The following MYO15A variants were observed in gnomAD, a reference collection of about 807,000 sequenced individuals.
MYO15A encodes unconventional myosin-XV.
Under a neutral mutation model 394.6 loss-of-function variants are expected in MYO15A, and 308 were observed. The ratio of observed to expected loss-of-function variants is 0.78; its 90% CI spans 0.71 to 0.86. The LOEUF (loss-of-function observed/expected upper bound fraction) is 0.86, where lower values mean the gene tolerates loss of function less well. Among genes scored for constraint, MYO15A ranks in the 40% least tolerant of loss-of-function variants. The pLI, the probability that MYO15A is intolerant of heterozygous loss-of-function variation, is 0.00. For missense variants in MYO15A, 4,606 were observed against 4,799.1 expected, an observed-to-expected ratio of 0.96 and a Z score of 1.19; for synonymous variants, 1,957 against 2,003.8, an observed-to-expected ratio of 0.98 and a Z score of 0.62.
Position 18,110,889 on chromosome 17 carries a change from C to T in MYO15A, c.-220+2065C>T, listed in dbSNP as rs114755991. Among the ~76,000 whole-genome samples the T allele has an allele frequency of 2.6e-3, 403 of 152,324 alleles. 3 individuals carry two copies. Among genetic ancestry groups the T allele is most frequent in the African/African-American group, 9.3e-3 (388 of 41,570 alleles). Reference sequence around the variant, plus strand: ...TGTTCCACTTGCCAGGAATACTGTTCCTTCTTCCATGTTATAAGCTCCCTC... The same window carrying T: ...TGTTCCACTTGCCAGGAATACTGTTTCTTCTTCCATGTTATAAGCTCCCTC... On this transcript the variant is annotated intron_variant, in intron 1 of 65. Coordinates refer to ENST00000647165, the MANE Select transcript of MYO15A (RefSeq NM_016239.4).
rs1567648703 is a variant in MYO15A at position 18,146,101 on chromosome 17, T to G, written c.6503T>G (p.Leu2168Arg). The G allele has an allele frequency of 6.2e-7, 1 of 1,613,848 alleles. No homozygotes were observed. The highest frequency in any genetic ancestry group is 1.6e-4 in the Middle Eastern group (1 of 6,062). Residue 2168 changes from leucine (L) to arginine (R), a missense_variant, in exon 30 of 66, where the codon CTT becomes CGT. Around this residue, in one of 2 missense-constraint regions of MYO15A, gnomAD observed 2,776 missense variants for 3,109.3 expected, o/e 0.89. Transcript: ENST00000647165. The part of the protein sequence containing the change: ...FAPSPCFNKY[L>R]LKFVSDYGRN... ...CCTTCCCCGTGCTTCAACAAGTACC[T>G]TCTCAAGTGAGTGGGACTGGATAGG...
chr17:18,119,430 C>T lies in MYO15A; in HGVS notation c.630C>T (p.Asp210=), dbSNP rs763579385. 6.2e-7 allele frequency: 1 copy of T among 1,612,276 alleles called. No individual in the cohort carries two copies. The highest frequency in any genetic ancestry group is 1.3e-5 in the African/African-American group (1 of 74,902). The change falls in exon 2 of 66, where the codon GAC becomes GAT. Residue 210 remains aspartate (D), a synonymous_variant. Coordinates refer to ENST00000647165, the MANE Select transcript of MYO15A (RefSeq NM_016239.4). ...CCCTGGGCTTCCTGCCCTTCGAGGACGAGGCCCCATTCCATCACTCGGGCT... is the reference window on the plus strand; with the variant it reads ...CCCTGGGCTTCCTGCCCTTCGAGGATGAGGCCCCATTCCATCACTCGGGCT... ...GEPLGFLPFE[D]EAPFHHSGSR...
intron 20 of MYO15A, 51 bp downstream of exon 20, chr17:18,140,716 C>A: frequency 6.2e-7 from 1 of 1,614,142 alleles, no homozygotes. Context: ...CTTAACCCAC[C>A]TCATGACCCT....
chr17:18,139,961 G>C (rs1013415050), intron 19 of MYO15A, among the ~76,000 whole-genome samples: 1 of 152,134 alleles, frequency 6.6e-6, no homozygotes, highest in African/African-American at 2.4e-5. Flanking sequence ...TTCTTTCCTG[G>C]CTTCTTGCCA....
At chr17:18,151,364 AC>A in intron 39 of MYO15A, 30 bp from the exon 40 acceptor site, 1 of 1,613,938 alleles carries the variant, frequency 6.2e-7, no homozygotes, top group Non-Finnish European at 8.5e-7. Context: ...TTGTGGCCTC[AC>A]CCTGTTCCCA....
At chr17:18,127,229 C>T in intron 7 of MYO15A, 64 bp downstream of exon 7, 13 of 1,572,696 alleles carry the variant, frequency 8.3e-6, no homozygotes, top group Non-Finnish European at 1.1e-5. Context: ...ACCTCATGTA[C>T]TCCCGAAGAG....
At chr17:18,165,008 G>T (rs1489009588) in intron 60 of MYO15A, 2 of 149,914 alleles carry the variant, frequency 1.3e-5, no homozygotes, top group African/African-American at 4.9e-5. Flanking sequence ...GCATGGTGAC[G>T]TTTGCCTGCC....
At chr17:18,143,441 A>G (rs1157997433) in intron 25 of MYO15A, 125 bp from the exon 26 acceptor site, 2 of 1,143,790 alleles carry the variant, frequency 1.7e-6, no homozygotes, top group African/African-American at 3.1e-5. Flanking sequence ...AGTCACCTCC[A>G]CACAACAGGC....
At chr17:18,113,521 G>T (rs376821699) in intron 1 of MYO15A, among the ~76,000 whole-genome samples, 4 of 152,264 alleles carry the variant, frequency 2.6e-5, no homozygotes, top group Non-Finnish European at 4.4e-5. Flanking sequence ...CACTTTGGGA[G>T]GATGAGGTGG....
intron 1 of MYO15A, chr17:18,110,194 C>T (rs1180698290): frequency 6.6e-6 from 1 of 152,516 alleles, no homozygotes; most frequent in East Asian, 1.9e-4. Context: ...ATCCCAGCCC[C>T]ATCTAGCCTC....
chr17:18,141,861 C>T, intron 23 of MYO15A, 91 bp downstream of exon 23: 9 of 1,412,666 alleles, frequency 6.4e-6, no homozygotes, highest in East Asian at 2.3e-5. Context: ...TAGAGACTGC[C>T]ATCCCAGGAG....
Position 18,148,983 on chromosome 17 carries a change from T to TGGCCACTCCCAGGCAGAAGGCC in MYO15A, c.6956+54_6956+75dup. 4.5e-6 allele frequency: 7 copies of TGGCCACTCCCAGGCAGAAGGCC among 1,559,842 alleles called. No individual in the cohort carries two copies. The South Asian group carries it at 4.7e-5, about 10-fold the overall frequency. On this transcript the variant is annotated intron_variant, in intron 33 of 65. Transcript: ENST00000647165. The surrounding 1 kb of genome is among the most constrained non-coding windows in gnomAD (Gnocchi z 4.8). ...TAGCTATGGGGGACCCCCTCACAGATGGCCACTCCCAGGCAGAAGGCCGGC... is the reference window on the plus strand; with the variant it reads ...TAGCTATGGGGGACCCCCTCACAGATGGCCACTCCCAGGCAGAAGGCCGGCCACTCCCAGGCAGAAGGCCGGC...
In MYO15A at chr17:18,143,763, G is replaced by T; in HGVS notation, c.6013G>T (p.Ala2005Ser). Residue 2005 changes from alanine to serine, a missense_variant, in exon 27 of 66, where the codon GCT becomes TCT. Coordinates refer to ENST00000647165, the MANE Select transcript of MYO15A (RefSeq NM_016239.4). ...CGCTGTGGGGCACCTGGAGGTACCG[G>T]CTGAGCTGGCTGGGCTCTTGCAAGC... ...VVAVGHLEVPAELAGLLQAVA... is the reference protein window; with the variant it reads ...VVAVGHLEVPSELAGLLQAVA... 6.3e-7 allele frequency: 1 copy of T among 1,594,646 alleles called. No individual in the cohort carries two copies. The highest frequency in any genetic ancestry group is 8.5e-7 in the Non-Finnish European group (1 of 1,171,008).
chr17:18,154,639 G>A, intron 44 of MYO15A, 41 bp from the exon 45 acceptor site: 3 of 1,603,540 alleles, frequency 1.9e-6, no homozygotes, highest in Non-Finnish European at 2.6e-6. Context: ...CCCAGCTGGG[G>A]GAGTCCCATG....
chr17:18,165,926 G>T lies in MYO15A; in HGVS notation c.9788-435G>T, dbSNP rs150318527. Among the ~76,000 whole-genome samples, 1,048 of 152,306 alleles carry T rather than the reference G, an allele frequency of 6.9e-3. 8 individuals are homozygous for T. The highest frequency in any genetic ancestry group is 0.024 in the Middle Eastern group (7 of 294). On this transcript the variant is annotated intron_variant, in intron 60 of 65. Coordinates refer to ENST00000647165, the MANE Select transcript of MYO15A (RefSeq NM_016239.4). ...TGGCAAGGGGTCTCTCCTGAAGGAG[G>T]TCTGCAGAAAGGCACCCACTGGGTC... is the stretch of plus-strand genomic sequence containing the variant.
rs1284897749 is a variant in MYO15A at position 18,120,441 on chromosome 17, G to A, written c.1641G>A (p.Ser547=). ...AGCGCAACCTCCAGCGCGCGCTGTC[G>A]GCCTTCGGCGCCCACCGGGGCCTGG... The part of the protein sequence containing the change: ...PRQRNLQRAL[S]AFGAHRGLGF... The change falls in exon 2 of 66, where the codon TCG becomes TCA. Residue 547 remains serine, a synonymous_variant. Coordinates refer to ENST00000647165, the MANE Select transcript of MYO15A (RefSeq NM_016239.4). 1.9e-6 allele frequency: 3 copies of A among 1,583,700 alleles called. No homozygotes were observed. Among genetic ancestry groups the A allele is most frequent in the East Asian group, 2.3e-5 (1 of 43,668 alleles).
intron 12 of MYO15A, among the ~76,000 whole-genome samples, chr17:18,135,228 T>C (rs558792649): frequency 6.6e-6 from 1 of 152,302 alleles, no homozygotes; most frequent in Non-Finnish European, 1.5e-5. Context: ...TGGAGTGTAA[T>C]GGTGCGATCT....
Position 18,148,381 on chromosome 17 carries a change from G to T in MYO15A, c.6692-115G>T. The T allele has an allele frequency of 2.7e-6, 4 of 1,470,712 alleles. No homozygotes were observed. Among genetic ancestry groups the T allele is most frequent in the Non-Finnish European group, 3.7e-6 (4 of 1,079,244 alleles). The allele number at this position is 1,470,712 out of a possible 1,614,324, so 91.1% of individuals were successfully genotyped here. A position where few individuals can be genotyped will look rare whatever the true frequency, so the allele number is the denominator to read the frequency against. ...GTGGGACCTGGCCCAGGAAAGGGGAGCCAGGGAAGTGAGGCTACAGATACA... is the reference window on the plus strand; with the variant it reads ...GTGGGACCTGGCCCAGGAAAGGGGATCCAGGGAAGTGAGGCTACAGATACA... On this transcript the variant is annotated intron_variant, in intron 31 of 65. Coordinates refer to ENST00000647165, the MANE Select transcript of MYO15A (RefSeq NM_016239.4). The surrounding 1 kb of genome is among the most constrained non-coding windows in gnomAD (Gnocchi z 4.8).
chr17:18,145,845 G>A (rs1334753372), intron 29 of MYO15A, 27 bp from the exon 30 acceptor site: 10 of 1,609,920 alleles, frequency 6.2e-6, no homozygotes, highest in Middle Eastern at 1.7e-4. Context: ...TTTCTGAGAT[G>A]CCCAGGAGAC....
Sources: gnomAD v4.1 joint callset for allele counts (sites outside exome capture counted in the v4.1 genomes callset) on GRCh38, gnomAD v4.1.1 for gene constraint, gnomAD v4.1.1 regional missense constraint, Gnocchi (gnomAD v3.1) non-coding constraint, MANE v1.5 for transcripts, NCBI Gene and HGNC (gene_info 2026-07-23, HGNC 2026-07-21) for gene names.